Variants in SLC25A13 observed in about 807,000 individuals in gnomAD.
SLC25A13 encodes the protein solute carrier family 25 member 13.
A neutral mutation model predicts 85.5 loss-of-function variants in SLC25A13; 70 were observed. The ratio of observed to expected loss-of-function variants is 0.82; its 90% CI spans 0.68 to 1.00. The LOEUF (loss-of-function observed/expected upper bound fraction) is 1.00. Ranked by LOEUF, SLC25A13 falls within the 50% of genes least tolerant of loss-of-function variation. The pLI, the probability that SLC25A13 is intolerant of heterozygous loss-of-function variation, is 0.00. For missense variants in SLC25A13, 765 were observed against 819.8 expected, an observed-to-expected ratio of 0.93 and a Z score of 0.82; for synonymous variants, 259 against 288.7, an observed-to-expected ratio of 0.90 and a Z score of 1.04.
chr7:96,245,032 C>T (rs555124640), intron 3 of SLC25A13, among the ~76,000 whole-genome samples: 5 of 152,100 alleles, frequency 3.3e-5, no homozygotes, highest in Admixed American at 1.3e-4. Context: ...GCCAGCTCTA[C>T]TTGGCAGCCC....
intron 3 of SLC25A13, among the ~76,000 whole-genome samples, chr7:96,241,882 C>T (rs567150105): frequency 6.6e-6 from 1 of 152,280 alleles, no homozygotes; most frequent in African/African-American, 2.4e-5. Context: ...TCTTCTCCTC[C>T]TCTCTGTCCT....
chr7:96,184,813 T>C (rs901315250), intron 10 of SLC25A13, 114 bp downstream of exon 10: 3 of 909,806 alleles, frequency 3.3e-6, no homozygotes, highest in Non-Finnish European at 5.4e-6. Flanking sequence ...AACTGATAAC[T>C]GGCATTGGGA....
intron 4 of SLC25A13, among the ~76,000 whole-genome samples, chr7:96,222,129 G>A (rs1796153394): frequency 6.6e-6 from 1 of 152,142 alleles, no homozygotes; most frequent in South Asian, 2.1e-4. Context: ...TCTCTCTTAG[G>A]AGAGCCCTTT....
intron 4 of SLC25A13, among the ~76,000 whole-genome samples, chr7:96,221,900 G>C (rs1330786410): frequency 1.3e-5 from 2 of 152,160 alleles, no homozygotes; most frequent in African/African-American, 4.8e-5. Flanking sequence ...ATCCACATCA[G>C]AGAATTAACT....
chr7:96,281,472 A>G (rs540286044), intron 2 of SLC25A13, among the ~76,000 whole-genome samples: 16 of 152,162 alleles, frequency 1.1e-4, no homozygotes, highest in Non-Finnish European at 2.4e-4. Flanking sequence ...GAAAAGAAAC[A>G]TAAGAAAACC....
chr7:96,199,707 C>T lies in SLC25A13; in HGVS notation c.469-6524G>A, dbSNP rs141224063. On this transcript the variant is annotated intron_variant, in intron 5 of 17. Transcript: ENST00000265631. ...CTATTCTGGTGCATGATGATTAATG[C>T]AACAGGCTTTTATTGCAGCAGTTTC... Among the ~76,000 whole-genome samples the T allele has an allele frequency of 7.4e-4, 113 of 152,124 alleles. No individual in the cohort carries two copies. The East Asian group carries it at 0.013, about 18-fold the overall frequency.
chr7:96,271,912 G>C (rs545167381), intron 3 of SLC25A13, among the ~76,000 whole-genome samples: 5 of 151,982 alleles, frequency 3.3e-5, no homozygotes, highest in Admixed American at 3.3e-4. Context: ...TTGAGACAGA[G>C]TCTTGCTCTG....
chr7:96,134,793 T>TTATATATATA (rs10522412), intron 14 of SLC25A13, among the ~76,000 whole-genome samples: 2,961 of 102,188 alleles, frequency 0.029, 220 homozygotes, highest in African/African-American at 0.084. Context: ...ACAAACAATT[T>TTATATATATA]TATATATATA....
At chr7:96,188,236 C>G (rs1477413366) in intron 9 of SLC25A13, among the ~76,000 whole-genome samples, 1 of 152,220 alleles carries the variant, frequency 6.6e-6, no homozygotes, top group East Asian at 1.9e-4. Flanking sequence ...TTCTCCTGCA[C>G]TCAGAGAAAT....
intron 9 of SLC25A13, among the ~76,000 whole-genome samples, chr7:96,187,961 C>A (rs906151625): frequency 6.6e-6 from 1 of 152,192 alleles, no homozygotes; most frequent in African/African-American, 2.4e-5. Context: ...TCAATCTGGT[C>A]TAACCCTTTC....
chr7:96,195,416 T>C lies in SLC25A13; in HGVS notation c.469-2233A>G, dbSNP rs563762254. Among the ~76,000 whole-genome samples, 14 of 152,344 alleles carry C rather than the reference T, an allele frequency of 9.2e-5. No individual in the cohort carries two copies. The South Asian group carries it at 2.9e-3, about 32-fold the overall frequency. On this transcript the variant is annotated intron_variant, in intron 5 of 17. Coordinates refer to ENST00000265631, the MANE Select transcript of SLC25A13 (RefSeq NM_014251.3). ...TTTTCCTTTTTGTTCCTGATGCTAC[T>C]GGTTCAGACTTTCCTCAGACCTCAT... is the stretch of plus-strand genomic sequence containing the variant.
chr7:96,154,294 CT>C lies in SLC25A13; in HGVS notation c.1312-7599del, dbSNP rs1161443008. Among the ~76,000 whole-genome samples the C allele has an allele frequency of 9.8e-3, 1,224 of 125,496 alleles. 9 individuals carry two copies. Among genetic ancestry groups the C allele is most frequent in the African/African-American group, 0.024 (818 of 34,340 alleles). The allele number at this position is 125,496 out of a possible 152,430, so 82.3% of individuals were successfully genotyped here. ...GTAGAGTCACAGAGTCACTGAGTGT[CT>C]TTTTTTTTTTTTTTTTTTTAAGACA... On this transcript the variant is annotated intron_variant, in intron 13 of 17. Transcript: ENST00000265631.
chr7:96,242,103 A>G (rs907059705), intron 3 of SLC25A13, among the ~76,000 whole-genome samples: 5 of 152,382 alleles, frequency 3.3e-5, no homozygotes, highest in African/African-American at 1.2e-4. Flanking sequence ...CCACAAGAGT[A>G]CTTCACAAAA....
intron 5 of SLC25A13, among the ~76,000 whole-genome samples, chr7:96,200,366 A>T (rs1439561530): frequency 6.6e-6 from 1 of 152,228 alleles, no homozygotes; most frequent in African/African-American, 2.4e-5. Flanking sequence ...GTACCTGTAT[A>T]CTGGTTTGCA....
chr7:96,217,366 G>C (rs1234675415), intron 4 of SLC25A13, among the ~76,000 whole-genome samples: 1 of 152,132 alleles, frequency 6.6e-6, no homozygotes, highest in Non-Finnish European at 1.5e-5. Context: ...ATATGACTCA[G>C]CAATTCCACT....
chr7:96,304,419 T>C (rs1799664799), intron 1 of SLC25A13, among the ~76,000 whole-genome samples: 1 of 152,254 alleles, frequency 6.6e-6, no homozygotes, highest in African/African-American at 2.4e-5. Flanking sequence ...CACTCTGCTC[T>C]GTTGTAGAAC....
intron 15 of SLC25A13, among the ~76,000 whole-genome samples, chr7:96,127,450 A>C (rs376495959): frequency 1.8e-4 from 27 of 152,206 alleles, no homozygotes; most frequent in African/African-American, 4.8e-4. Context: ...CAAAACAAAA[A>C]CAAAAACACC....
At position 96,283,818 on chromosome 7, in the gene SLC25A13, TTAAAAAAAAAA is replaced by T. The variant is rs1398172142; in HGVS notation, c.70-6491_70-6481del. 7.1e-3 allele frequency: 617 copies of T among 87,032 alleles called. 9 individuals carry two copies. The highest frequency in any genetic ancestry group is 0.016 in the Middle Eastern group (2 of 126). 5.4% of individuals were successfully genotyped at this position (87,032 alleles called of 1,614,324 possible). On this transcript the variant is annotated intron_variant, in intron 2 of 17. Transcript: ENST00000265631. ...CTATGACTTCATGGCAAATAGGTGT[TTAAAAAAAAAA>T]AAAAAAAAAAAAAAAGACCTCTGGA...
intron 2 of SLC25A13, among the ~76,000 whole-genome samples, chr7:96,289,463 C>T (rs896420633): frequency 1.3e-5 from 2 of 152,076 alleles, no homozygotes; most frequent in Admixed American, 6.5e-5. Flanking sequence ...CTTCTCCGAG[C>T]TAAAGGAGGA....
Sources: allele counts gnomAD v4.1 joint callset (sites outside exome capture counted in the v4.1 genomes callset), GRCh38; gene constraint gnomAD v4.1.1; transcripts MANE v1.5; gene names NCBI Gene and HGNC (gene_info 2026-07-23, HGNC 2026-07-21).